The following MAGI2 variants were observed in gnomAD, a reference collection of about 807,000 sequenced individuals.
The protein encoded by MAGI2 is membrane-associated guanylate kinase, WW and PDZ domain-containing protein 2.
Under a neutral mutation model 133.3 loss-of-function variants are expected in MAGI2, and 35 were observed. The observed-to-expected ratio is 0.26, with a 90% CI of 0.20 to 0.35. The LOEUF is 0.35. Ranked by LOEUF, MAGI2 falls within the 10% of genes least tolerant of loss-of-function variation. The probability of loss-of-function intolerance (pLI) is 1.00; values close to 1 mark genes in which losing one functional copy is unlikely to be tolerated. For missense variants in MAGI2, 1,636 were observed against 1,863.4 expected, an observed-to-expected ratio of 0.88 and a Z score of 2.25; for synonymous variants, 729 against 710.6, an observed-to-expected ratio of 1.03 and a Z score of -0.41.
intron 1 of MAGI2, among the ~76,000 whole-genome samples, chr7:79,184,913 C>CA (rs5885119): frequency 0.17 from 25,480 of 150,738 alleles, 4,848 homozygotes; most frequent in African/African-American, 0.46. Flanking sequence ...TATAAAAAAA[C>CA]AAAAAAACAG....
intron 1 of MAGI2, among the ~76,000 whole-genome samples, chr7:79,272,215 ATC>A (rs1285300009): frequency 1.3e-5 from 2 of 152,054 alleles, no homozygotes; most frequent in African/African-American, 4.8e-5. Flanking sequence ...TTGTAATGAA[ATC>A]TCTGATTATT....
At chr7:78,887,018 A>T (rs1464658876) in intron 2 of MAGI2, among the ~76,000 whole-genome samples, 1 of 152,062 alleles carries the variant, frequency 6.6e-6, no homozygotes, top group Non-Finnish European at 1.5e-5. Context: ...TCCCCATGTG[A>T]GGAAGAACAT....
intron 2 of MAGI2, among the ~76,000 whole-genome samples, chr7:78,818,444 T>A (rs991279044): frequency 1.1e-4 from 17 of 152,210 alleles, no homozygotes; most frequent in Admixed American, 3.9e-4. Flanking sequence ...ATGGCTGAAA[T>A]AATTTCTACT....
At chr7:79,059,331 C>T (rs951601481) in intron 1 of MAGI2, among the ~76,000 whole-genome samples, 1 of 151,998 alleles carries the variant, frequency 6.6e-6, no homozygotes, top group Non-Finnish European at 1.5e-5. Context: ...TCATCCACAA[C>T]CTCTGGCATA....
In MAGI2 at chr7:79,136,240, C is replaced by A. The variant is rs554856264; in HGVS notation, c.302-129034G>T. ...TTATATTTGTCTTTCCTATTTCCAT[C>A]CAACACTATGTACAAGGTAAAAGGT... On this transcript the variant is annotated intron_variant, in intron 1 of 21. Coordinates refer to ENST00000354212, the MANE Select transcript of MAGI2 (RefSeq NM_012301.4). Among the ~76,000 whole-genome samples, 9 of 152,282 alleles carry A rather than the reference C, an allele frequency of 5.9e-5. 1 individual carries two copies. In the East Asian group the frequency reaches 1.7e-3, roughly 29 times the overall value.
intron 21 of MAGI2, among the ~76,000 whole-genome samples, chr7:78,053,221 A>T (rs1385697300): frequency 6.6e-6 from 1 of 152,260 alleles, no homozygotes; most frequent in Non-Finnish European, 1.5e-5. Context: ...GCAGAATGGC[A>T]GTAGGAACGT....
At chr7:79,230,322 G>A (rs1363032666) in intron 1 of MAGI2, among the ~76,000 whole-genome samples, 1 of 152,074 alleles carries the variant, frequency 6.6e-6, no homozygotes, top group Non-Finnish European at 1.5e-5. Context: ...TGGGATGGCT[G>A]AGTCAAATGG....
At chr7:78,430,273 G>A (rs1165029254) in intron 6 of MAGI2, among the ~76,000 whole-genome samples, 1 of 128,876 alleles carries the variant, frequency 7.8e-6, no homozygotes, top group Non-Finnish European at 1.6e-5. Context: ...TTTAATAAGA[G>A]GGGCTAGGAT....
chr7:79,397,619 T>C (rs1845154187), intron 1 of MAGI2, among the ~76,000 whole-genome samples: 1 of 152,116 alleles, frequency 6.6e-6, no homozygotes, highest in Admixed American at 6.6e-5. Context: ...CTTTTAGTAT[T>C]AACATTTCTT....
At chr7:78,574,233 G>C (rs989051462) in intron 3 of MAGI2, among the ~76,000 whole-genome samples, 2 of 152,180 alleles carry the variant, frequency 1.3e-5, no homozygotes, top group African/African-American at 4.8e-5. Flanking sequence ...AAAGGTGACA[G>C]GGTGGAGGGC....
At chr7:78,972,220 A>G (rs1224789517) in intron 2 of MAGI2, among the ~76,000 whole-genome samples, 1 of 151,948 alleles carries the variant, frequency 6.6e-6, no homozygotes. Context: ...TAAAAAATGC[A>G]TGAATTCCTA....
At position 78,168,007 on chromosome 7, in the gene MAGI2, G is replaced by A. The variant is rs373206562; in HGVS notation, c.2505C>T (p.Gly835=). 1 of 1,614,148 alleles carries A rather than the reference G, an allele frequency of 6.2e-7. No individual in the cohort carries two copies. The highest frequency in any genetic ancestry group is 8.5e-7 in the Non-Finnish European group (1 of 1,180,026). Residue 835 remains glycine (G), a synonymous_variant, in exon 15 of 22, where the codon GGC becomes GGT. Transcript: ENST00000354212. ...GGTCGATGACATAGCGGTGGGTTTTGCCGGCTACTGGAATCCCATCAACAT... is the reference window on the plus strand; with the variant it reads ...GGTCGATGACATAGCGGTGGGTTTTACCGGCTACTGGAATCCCATCAACAT... ...LVYVDGIPVA[G]KTHRYVIDLM...
intron 1 of MAGI2, among the ~76,000 whole-genome samples, chr7:79,097,366 T>C (rs1453490397): frequency 6.6e-6 from 1 of 152,250 alleles, no homozygotes; most frequent in Non-Finnish European, 1.5e-5. Flanking sequence ...CTACATTTAC[T>C]GTGCCATTTT....
intron 1 of MAGI2, among the ~76,000 whole-genome samples, chr7:79,242,590 T>A (rs1300928554): frequency 6.6e-6 from 1 of 152,228 alleles, no homozygotes; most frequent in African/African-American, 2.4e-5. Flanking sequence ...TACATTTTTA[T>A]GGCACTTGGA....
chr7:79,023,189 T>C (rs1809520218), intron 1 of MAGI2, among the ~76,000 whole-genome samples: 2 of 151,826 alleles, frequency 1.3e-5, no homozygotes, highest in Admixed American at 1.3e-4. Context: ...AATATACAAA[T>C]CAATAAGTGT....
At chr7:78,080,224 A>C (rs373125788) in intron 20 of MAGI2, among the ~76,000 whole-genome samples, 5 of 152,216 alleles carry the variant, frequency 3.3e-5, no homozygotes, top group African/African-American at 1.2e-4. Context: ...ATCTCTACCT[A>C]AGGATGATTC....
At chr7:78,739,592 A>G (rs1168266244) in intron 2 of MAGI2, among the ~76,000 whole-genome samples, 1 of 152,198 alleles carries the variant, frequency 6.6e-6, no homozygotes, top group Admixed American at 6.5e-5. Context: ...TAACAAAAAT[A>G]GTATTAATTT....
intron 6 of MAGI2, among the ~76,000 whole-genome samples, chr7:78,413,892 G>A (rs891678219): frequency 2.6e-5 from 4 of 152,080 alleles, no homozygotes; most frequent in Admixed American, 6.6e-5. Context: ...GAAGGCTGGG[G>A]ACTTATTTTA....
intron 2 of MAGI2, among the ~76,000 whole-genome samples, chr7:78,835,101 T>C (rs1791500292): frequency 6.6e-6 from 1 of 152,186 alleles, no homozygotes; most frequent in Non-Finnish European, 1.5e-5. Flanking sequence ...TACCCAGAAG[T>C]GAAATTGCTA....
Sources: allele counts gnomAD v4.1 joint callset (sites outside exome capture counted in the v4.1 genomes callset), GRCh38; gene constraint gnomAD v4.1.1; transcripts MANE v1.5; gene names NCBI Gene and HGNC (gene_info 2026-07-23, HGNC 2026-07-21).